The following MACROD2 variants were observed in gnomAD, a reference collection of about 807,000 sequenced individuals.
The protein encoded by MACROD2 is mono-ADP ribosylhydrolase 2.
MACROD2 carries 36 observed loss-of-function variants against 70.4 expected under a neutral mutation model. The ratio of observed to expected loss-of-function variants is 0.51; its 90% CI spans 0.39 to 0.68. The LOEUF is 0.68. MACROD2 is among the 30% of genes least tolerant of loss of function. The pLI, the probability that MACROD2 is intolerant of heterozygous loss-of-function variation, is 0.00. For synonymous variants in MACROD2, 172 were observed against 178.8 expected, an observed-to-expected ratio of 0.96 and a Z score of 0.30; for missense variants, 496 against 538.4, an observed-to-expected ratio of 0.92 and a Z score of 0.78.
intron 7 of MACROD2, among the ~76,000 whole-genome samples, chr20:15,458,795 A>T (rs1448320125): frequency 6.6e-6 from 1 of 151,958 alleles, no homozygotes; most frequent in African/African-American, 2.4e-5. Context: ...GACCTGGCAG[A>T]TTTGGGCCAG....
chr20:14,832,356 C>A (rs6042943), intron 5 of MACROD2, among the ~76,000 whole-genome samples: 40,121 of 151,450 alleles, frequency 0.26, 6,408 homozygotes, highest in African/African-American at 0.43. Flanking sequence ...TTGTGTTTTG[C>A]AAGTAAGGGG....
chr20:14,202,906 G>A (rs551877073), intron 3 of MACROD2, among the ~76,000 whole-genome samples: 2 of 152,202 alleles, frequency 1.3e-5, no homozygotes, highest in African/African-American at 2.4e-5. Flanking sequence ...AAATTACCCG[G>A]ATGTGGTGGC....
chr20:15,805,082 C>T (rs1051011229), intron 8 of MACROD2, among the ~76,000 whole-genome samples: 32 of 152,180 alleles, frequency 2.1e-4, no homozygotes, highest in Admixed American at 3.9e-4. Flanking sequence ...TGGTAATTCC[C>T]AGGATCACTT....
chr20:14,285,425 G>A (rs1374570518), intron 3 of MACROD2, among the ~76,000 whole-genome samples: 2 of 152,044 alleles, frequency 1.3e-5, no homozygotes, highest in African/African-American at 4.8e-5. Context: ...TCGAATTTTG[G>A]AGCATTTCAG....
At chr20:15,732,670 A>C (rs1454793998) in intron 8 of MACROD2, among the ~76,000 whole-genome samples, 1 of 142,008 alleles carries the variant, frequency 7.0e-6, no homozygotes, top group East Asian at 2.0e-4. Flanking sequence ...AGTTGTGTAT[A>C]ATTTTGTAAT....
chr20:14,775,506 A>G (rs1006032947), intron 5 of MACROD2, among the ~76,000 whole-genome samples: 7 of 151,908 alleles, frequency 4.6e-5, no homozygotes, highest in African/African-American at 1.7e-4. Context: ...TTAACAACCA[A>G]TTCCCACGTG....
intron 4 of MACROD2, among the ~76,000 whole-genome samples, chr20:14,654,005 C>G (rs1985829848): frequency 6.6e-6 from 1 of 152,070 alleles, no homozygotes; most frequent in Non-Finnish European, 1.5e-5. Context: ...CCTGGGATCT[C>G]TTTTCAAATA....
chr20:14,806,064 G>A (rs982999037), intron 5 of MACROD2, among the ~76,000 whole-genome samples: 2 of 151,642 alleles, frequency 1.3e-5, no homozygotes, highest in African/African-American at 4.9e-5. Flanking sequence ...CTAAAAGATA[G>A]CTGTCATTAT....
intron 3 of MACROD2, among the ~76,000 whole-genome samples, chr20:14,192,218 CT>C (rs1428281513): frequency 6.6e-6 from 1 of 152,012 alleles, no homozygotes; most frequent in Non-Finnish European, 1.5e-5. Context: ...CTAGAGTTAT[CT>C]GTGTATTTTT....
At chr20:14,590,755 A>G (rs1981714257) in intron 4 of MACROD2, among the ~76,000 whole-genome samples, 1 of 152,122 alleles carries the variant, frequency 6.6e-6, no homozygotes, top group South Asian at 2.1e-4. Flanking sequence ...TCTTAACTAT[A>G]ATATTTTGCG....
intron 7 of MACROD2, among the ~76,000 whole-genome samples, chr20:15,457,060 T>C (rs1410767476): frequency 7.3e-4 from 53 of 72,188 alleles, no homozygotes; most frequent in Middle Eastern, 8.1e-3. Flanking sequence ...TTCTTCTTTT[T>C]TTTTTTTTTT....
chr20:15,650,958 T>C (rs2049634105), intron 8 of MACROD2, among the ~76,000 whole-genome samples: 1 of 152,228 alleles, frequency 6.6e-6, no homozygotes, highest in South Asian at 2.1e-4. Context: ...TTCTATCTGC[T>C]CTTGGCATAA....
At chr20:14,986,742 A>G (rs2074852390) in intron 5 of MACROD2, among the ~76,000 whole-genome samples, 1 of 152,206 alleles carries the variant, frequency 6.6e-6, no homozygotes, top group African/African-American at 2.4e-5. Flanking sequence ...GAGAGTGATC[A>G]GGGCTCACCC....
At chr20:15,901,976 G>A (rs756391530) in intron 10 of MACROD2, among the ~76,000 whole-genome samples, 2 of 152,226 alleles carry the variant, frequency 1.3e-5, no homozygotes, top group African/African-American at 2.4e-5. Context: ...TCCCTGATAA[G>A]TGTTTCTCAA....
At chr20:15,922,937 G>T (rs2065432475) in intron 10 of MACROD2, among the ~76,000 whole-genome samples, 2 of 150,402 alleles carry the variant, frequency 1.3e-5, no homozygotes, top group South Asian at 2.1e-4. Context: ...TTAGTGAAAA[G>T]GTAAATTCTA....
In MACROD2 at chr20:14,473,325, C is replaced by T. The variant is rs921566440; in HGVS notation, c.272-20154C>T. Among the ~76,000 whole-genome samples, 9 of 152,136 alleles carry T rather than the reference C, an allele frequency of 5.9e-5. No homozygotes were observed. The East Asian group carries it at 1.3e-3, about 23-fold the overall frequency. The stretch of plus-strand genomic sequence containing the variant: ...CCTGTAGCCTCCTGCCTTTCCCAGC[C>T]GCTGGTAACCACTATTCTATTCTCA... On this transcript the variant is annotated intron_variant, in intron 3 of 17. Coordinates refer to ENST00000684519, the MANE Select transcript of MACROD2 (RefSeq NM_001351661.2).
At chr20:15,413,079 G>A (rs1431094648) in intron 6 of MACROD2, among the ~76,000 whole-genome samples, 16 of 152,104 alleles carry the variant, frequency 1.1e-4, no homozygotes, top group East Asian at 1.9e-4. Context: ...TTAATTTAGC[G>A]AAAATACTTG....
chr20:14,722,848 T>C (rs1265764872), intron 5 of MACROD2, among the ~76,000 whole-genome samples: 1 of 152,210 alleles, frequency 6.6e-6, no homozygotes, highest in Non-Finnish European at 1.5e-5. Flanking sequence ...GAGTGATGTC[T>C]GACTTTATCT....
chr20:15,564,633 A>T (rs1312066923), intron 8 of MACROD2, among the ~76,000 whole-genome samples: 1 of 152,226 alleles, frequency 6.6e-6, no homozygotes, highest in Non-Finnish European at 1.5e-5. Flanking sequence ...ATATGAGGTG[A>T]AAATAAAATG....
Sources: allele counts gnomAD v4.1 joint callset (sites outside exome capture counted in the v4.1 genomes callset), GRCh38; gene constraint gnomAD v4.1.1; transcripts MANE v1.5; gene names NCBI Gene and HGNC (gene_info 2026-07-23, HGNC 2026-07-21).